The following RALGPS1 variants were observed in gnomAD, a reference collection of about 807,000 sequenced individuals.
The protein encoded by RALGPS1 is Ral GEF with PH domain and SH3 binding motif 1, also known as ras-specific guanine nucleotide-releasing factor RalGPS1.
In RALGPS1, 19 loss-of-function variants were observed where a neutral mutation model predicts 78.8. The observed-to-expected ratio is 0.24, with a 90% CI of 0.17 to 0.35. The LOEUF (loss-of-function observed/expected upper bound fraction) is 0.35. Among genes scored for constraint, RALGPS1 ranks in the 10% least tolerant of loss-of-function variants. The pLI, the probability that RALGPS1 is intolerant of heterozygous loss-of-function variation, is 1.00. For missense variants in RALGPS1, 454 were observed against 688.3 expected (o/e 0.66, Z 3.81); for synonymous variants, 228 against 256.3 (o/e 0.89, Z 1.06).
chr9:127,044,226 A>G (rs2047557408), intron 5 of RALGPS1, among the ~76,000 whole-genome samples: 1 of 152,186 alleles, frequency 6.6e-6, no homozygotes, highest in Admixed American at 6.5e-5. Flanking sequence ...AGAATGAGCT[A>G]TCAAGTCATA....
intron 1 of RALGPS1, among the ~76,000 whole-genome samples, chr9:126,944,606 A>G (rs767178677): frequency 9.2e-5 from 14 of 152,156 alleles, no homozygotes; most frequent in Non-Finnish European, 1.6e-4. Context: ...GTGGGATAGG[A>G]TATGAGAATA....
At chr9:127,094,708 G>A (rs144438500) in intron 8 of RALGPS1, among the ~76,000 whole-genome samples, 40 of 152,316 alleles carry the variant, frequency 2.6e-4, no homozygotes, top group African/African-American at 8.2e-4. Context: ...TGGCACTCAC[G>A]CATTCTGAGG....
chr9:126,942,991 G>C (rs2036925809), intron 1 of RALGPS1, among the ~76,000 whole-genome samples: 1 of 152,144 alleles, frequency 6.6e-6, no homozygotes, highest in African/African-American at 2.4e-5. Flanking sequence ...TGTTTGTACA[G>C]AGGAAATTGT....
rs144929385 is a variant in RALGPS1 at position 127,217,461 on chromosome 9, T to G, written c.1645-1279T>G. 4.1e-6 allele frequency: 4 copies of G among 985,228 alleles called. No homozygotes were observed. The African/African-American group carries it at 7.0e-5, about 17-fold the overall frequency. The allele number at this position is 985,228 out of a possible 1,614,324, so 61.0% of individuals were successfully genotyped here. ...ATCTATTCACAAGGAAACATCGCAG[T>G]GACTAGAGTGATTTTCTGTTCTGTG... On this transcript the variant is annotated intron_variant, in intron 18 of 18. Coordinates refer to ENST00000259351, the MANE Select transcript of RALGPS1 (RefSeq NM_014636.3).
At chr9:127,095,584 C>T (rs950507560) in intron 8 of RALGPS1, among the ~76,000 whole-genome samples, 5 of 152,210 alleles carry the variant, frequency 3.3e-5, no homozygotes, top group Admixed American at 6.5e-5. Flanking sequence ...GCCGCTCTGA[C>T]GCCCTGCAAG....
chr9:127,147,991 T>C (rs10114992), intron 8 of RALGPS1, among the ~76,000 whole-genome samples: 21,425 of 152,234 alleles, frequency 0.14, 4,590 homozygotes, highest in African/African-American at 0.47. Context: ...GAACTTACAG[T>C]GAAGTCTGTA....
intron 14 of RALGPS1, among the ~76,000 whole-genome samples, chr9:127,199,482 C>A (rs1408859703): frequency 6.6e-6 from 1 of 151,060 alleles, no homozygotes; most frequent in Non-Finnish European, 1.5e-5. Context: ...TTATTGACCC[C>A]CACCCTGCTA....
intron 8 of RALGPS1, among the ~76,000 whole-genome samples, chr9:127,162,600 C>T (rs969689764): frequency 6.6e-5 from 10 of 152,168 alleles, no homozygotes; most frequent in African/African-American, 2.2e-4. Context: ...TTGAGGGGTG[C>T]TCTACCCAGT....
intron 8 of RALGPS1, among the ~76,000 whole-genome samples, chr9:127,090,658 G>A (rs72764376): frequency 0.024 from 3,732 of 152,332 alleles, 69 homozygotes; most frequent in Middle Eastern, 0.061. Flanking sequence ...TTGAGAGCTC[G>A]CTTCTCAAGT....
At chr9:127,139,140 C>T (rs1333298998) in intron 8 of RALGPS1, among the ~76,000 whole-genome samples, 1 of 152,120 alleles carries the variant, frequency 6.6e-6, no homozygotes, top group South Asian at 2.1e-4. Context: ...TGTCTGGGCT[C>T]GCCCTGCCTC....
intron 8 of RALGPS1, among the ~76,000 whole-genome samples, chr9:127,110,743 T>C (rs555354574): frequency 6.6e-6 from 1 of 152,278 alleles, no homozygotes; most frequent in African/African-American, 2.4e-5. Flanking sequence ...CTAGACGCCT[T>C]TCTTTCTTTC....
chr9:127,217,014 A>G (rs1197483819), intron 18 of RALGPS1: 5 of 1,518,848 alleles, frequency 3.3e-6, no homozygotes, highest in Admixed American at 4.5e-5. Flanking sequence ...CCTGGGCACC[A>G]TGGTGGCCCC....
At chr9:126,924,356 A>T (rs2035060932) in intron 1 of RALGPS1, among the ~76,000 whole-genome samples, 1 of 152,210 alleles carries the variant, frequency 6.6e-6, no homozygotes, top group East Asian at 1.9e-4. Flanking sequence ...TTAAGAAAAG[A>T]CAGTGCCTGT....
intron 11 of RALGPS1, among the ~76,000 whole-genome samples, chr9:127,187,438 CTGT>C (rs1564750970): frequency 9.2e-5 from 14 of 152,370 alleles, no homozygotes; most frequent in South Asian, 6.2e-4. Context: ...TGCAGTAGCT[CTGT>C]AAGCCCCACT....
chr9:127,013,046 T>C (rs368166395), intron 4 of RALGPS1, among the ~76,000 whole-genome samples: 34 of 152,318 alleles, frequency 2.2e-4, no homozygotes, highest in Middle Eastern at 6.8e-3. Context: ...CAAAGCATCC[T>C]GGTGGAGCTT....
At chr9:126,963,858 A>T (rs2039170911) in intron 2 of RALGPS1, among the ~76,000 whole-genome samples, 1 of 152,128 alleles carries the variant, frequency 6.6e-6, no homozygotes, top group South Asian at 2.1e-4. Context: ...TGTCACCCTG[A>T]TATATTCTGT....
At chr9:127,182,178 T>TAAA (rs74348799) in intron 11 of RALGPS1, among the ~76,000 whole-genome samples, 1 of 141,480 alleles carries the variant, frequency 7.1e-6, no homozygotes, top group South Asian at 2.3e-4. Flanking sequence ...CCCATCTGTT[T>TAAA]AAAAAAAAAA....
At position 127,091,782 on chromosome 9, in the gene RALGPS1, G is replaced by A. The variant is rs764780650; in HGVS notation, c.610+22426G>A. On this transcript the variant is annotated intron_variant, in intron 8 of 18. Transcript: ENST00000259351. This position sits in a 1 kb window ranked among gnomAD's most constrained non-coding sequence, Gnocchi z 4.3. ...GCCCCAGCCGCAGCTTATAATACTC[G>A]CTCTCAGGTTCCAGGCGGAAACTGG... 2.5e-6 allele frequency: 4 copies of A among 1,613,998 alleles called. No homozygotes were observed. The highest frequency in any genetic ancestry group is 1.3e-5 in the African/African-American group (1 of 74,898).
chr9:127,133,043 A>T (rs574561160), intron 8 of RALGPS1, among the ~76,000 whole-genome samples: 355 of 152,324 alleles, frequency 2.3e-3, no homozygotes, highest in Non-Finnish European at 4.5e-3. Context: ...AAAAGCACCT[A>T]CTTCATAGAG....
Sources: allele counts gnomAD v4.1 joint callset (sites outside exome capture counted in the v4.1 genomes callset), GRCh38; gene constraint gnomAD v4.1.1; non-coding constraint Gnocchi (gnomAD v3.1); transcripts MANE v1.5; gene names NCBI Gene and HGNC (gene_info 2026-07-23, HGNC 2026-07-21).